The following NLGN1 variants were observed in gnomAD, a reference collection of about 807,000 sequenced individuals.
NLGN1 encodes the protein neuroligin 1.
Under a neutral mutation model 65.5 loss-of-function variants are expected in NLGN1, and 12 were observed. The observed-to-expected ratio is 0.18, with a 90% CI of 0.12 to 0.30. The LOEUF is 0.30. Among genes scored for constraint, NLGN1 ranks in the 10% least tolerant of loss-of-function variants. The probability of loss-of-function intolerance (pLI) is 1.00; values close to 1 mark genes in which losing one functional copy is unlikely to be tolerated. For synonymous variants in NLGN1, 350 were observed against 359.5 expected, an observed-to-expected ratio of 0.97 and a Z score of 0.30; for missense variants, 750 against 1,007.1, an observed-to-expected ratio of 0.74 and a Z score of 3.46.
At chr3:173,923,755 T>A (rs1742496826) in intron 4 of NLGN1, among the ~76,000 whole-genome samples, 1 of 152,124 alleles carries the variant, frequency 6.6e-6, no homozygotes, top group South Asian at 2.1e-4. Context: ...AATGGCTGAG[T>A]AAAAACTCCT....
chr3:173,597,206 G>A (rs754755727), intron 2 of NLGN1, among the ~76,000 whole-genome samples: 1 of 152,198 alleles, frequency 6.6e-6, no homozygotes, highest in Non-Finnish European at 1.5e-5. Context: ...TCACAAAGGT[G>A]CAGGATATGT....
intron 2 of NLGN1, among the ~76,000 whole-genome samples, chr3:173,598,422 C>T (rs1289669339): frequency 6.6e-6 from 1 of 151,486 alleles, no homozygotes. Flanking sequence ...CATTTAGTTC[C>T]CTTATCTAAT....
intron 3 of NLGN1, among the ~76,000 whole-genome samples, chr3:173,716,888 A>G (rs1769949995): frequency 6.6e-6 from 1 of 152,120 alleles, no homozygotes; most frequent in Admixed American, 6.6e-5. Context: ...AACACGTTGA[A>G]TGCACTGAAG....
intron 4 of NLGN1, among the ~76,000 whole-genome samples, chr3:174,265,622 G>A (rs899755738): frequency 1.9e-4 from 29 of 152,004 alleles, no homozygotes; most frequent in Non-Finnish European, 3.7e-4. Context: ...AGATGGAAAT[G>A]CAGAAATCAC....
chr3:174,187,139 T>G (rs1231462931), intron 4 of NLGN1, among the ~76,000 whole-genome samples: 3 of 152,018 alleles, frequency 2.0e-5, no homozygotes, highest in South Asian at 2.1e-4. Context: ...TATTTTTTAT[T>G]TATTCATTTT....
intron 4 of NLGN1, among the ~76,000 whole-genome samples, chr3:173,947,444 C>G (rs1747408354): frequency 6.6e-6 from 1 of 152,124 alleles, no homozygotes; most frequent in South Asian, 2.1e-4. Flanking sequence ...TATATTTTAA[C>G]TCTTTTACTG....
At chr3:174,094,688 T>C (rs1321673835) in intron 4 of NLGN1, among the ~76,000 whole-genome samples, 1 of 150,528 alleles carries the variant, frequency 6.6e-6, no homozygotes, top group Non-Finnish European at 1.5e-5. Flanking sequence ...TGATAAATAT[T>C]CTTCTGTGTT....
chr3:173,862,065 G>A (rs1729216171), intron 4 of NLGN1, among the ~76,000 whole-genome samples: 4 of 150,792 alleles, frequency 2.7e-5, no homozygotes, highest in South Asian at 2.1e-4. Flanking sequence ...CACCACACCC[G>A]GCCAATTTTT....
intron 3 of NLGN1, among the ~76,000 whole-genome samples, chr3:173,780,675 A>G (rs1780986843): frequency 6.6e-6 from 1 of 152,208 alleles, no homozygotes; most frequent in Non-Finnish European, 1.5e-5. Flanking sequence ...AAAAGTCAGT[A>G]GAGATGTGTG....
At chr3:173,807,883 T>C (rs773936697) in intron 4 of NLGN1, 51 bp downstream of exon 4, 2 of 1,567,426 alleles carry the variant, frequency 1.3e-6, no homozygotes, top group Admixed American at 3.3e-5. Flanking sequence ...AAGTATGTGA[T>C]GGTTTTGTTT....
rs985853989 is a variant in NLGN1 at position 174,279,504 on chromosome 3, T to C, written c.1503T>C (p.Ala501=). Residue 501 remains alanine, a synonymous_variant, in exon 6 of 7, where the codon GCT becomes GCC. Transcript: ENST00000457714. The surrounding 1 kb of genome is among the most constrained non-coding windows in gnomAD (Gnocchi z 4.7). ...AAACAGATCAGGTTCCAGCTTGGGC[T>C]GATGCAGCCCACGGAGACGAGGTTC... 2 of 1,613,058 alleles carry C rather than the reference T, an allele frequency of 1.2e-6. No individual in the cohort carries two copies. Among genetic ancestry groups the C allele is most frequent in the African/African-American group, 1.3e-5 (1 of 74,838 alleles).
chr3:174,009,641 A>G (rs1365763430), intron 4 of NLGN1, among the ~76,000 whole-genome samples: 1 of 152,188 alleles, frequency 6.6e-6, no homozygotes, highest in Non-Finnish European at 1.5e-5. Flanking sequence ...TATTCCCTCA[A>G]GAACCTTATT....
intron 3 of NLGN1, among the ~76,000 whole-genome samples, chr3:173,655,620 C>A (rs1027520321): frequency 6.6e-6 from 1 of 151,800 alleles, no homozygotes; most frequent in Non-Finnish European, 1.5e-5. Flanking sequence ...TCTTTCTTCA[C>A]GTTGAAATTA....
chr3:173,605,026 C>T, exon 3 of NLGN1: 1 of 1,613,214 alleles, frequency 6.2e-7, no homozygotes, highest in Non-Finnish European at 8.5e-7. Context: ...GATGTGGTTT[C>T]ATCATATGTG....
At chr3:173,838,212 GAA>G (rs755284560) in intron 4 of NLGN1, among the ~76,000 whole-genome samples, 107 of 59,594 alleles carry the variant, frequency 1.8e-3, no homozygotes, top group Admixed American at 2.9e-3. Context: ...ACTGACCAGG[GAA>G]AATTAAAAAA....
intron 2 of NLGN1, among the ~76,000 whole-genome samples, chr3:173,463,600 T>C (rs914592391): frequency 6.6e-6 from 1 of 152,224 alleles, no homozygotes; most frequent in Non-Finnish European, 1.5e-5. Context: ...TCCAAGAAGA[T>C]GTCTTGGCTA....
rs75533945 is a variant in NLGN1, at chr3:173,698,391, T to C, written c.493+93300T>C. ...TTTCAAATACCCATTCTTTCACTGA[T>C]GAGAGATAACAGACCACCTAAACCA... is the stretch of plus-strand genomic sequence containing the variant. On this transcript the variant is annotated intron_variant, in intron 3 of 6. Transcript: ENST00000457714. Among the ~76,000 whole-genome samples, 1,444 of 152,288 alleles carry C rather than the reference T, an allele frequency of 9.5e-3. 19 individuals carry two copies. Among genetic ancestry groups the C allele is most frequent in the African/African-American group, 0.033 (1,358 of 41,536 alleles).
At chr3:173,734,301 A>G (rs1482981464) in intron 3 of NLGN1, among the ~76,000 whole-genome samples, 2 of 148,458 alleles carry the variant, frequency 1.3e-5, no homozygotes, top group African/African-American at 2.5e-5. Flanking sequence ...TAAACACTGT[A>G]TATTCCTAAA....
chr3:174,159,149 C>T (rs1249759250), intron 4 of NLGN1, among the ~76,000 whole-genome samples: 2 of 151,800 alleles, frequency 1.3e-5, no homozygotes, highest in African/African-American at 4.8e-5. Context: ...CATTCACCAG[C>T]TCCCTAGGAA....
Sources: gnomAD v4.1 joint callset for allele counts (sites outside exome capture counted in the v4.1 genomes callset) on GRCh38, gnomAD v4.1.1 for gene constraint, Gnocchi (gnomAD v3.1) non-coding constraint, MANE v1.5 for transcripts, NCBI Gene and HGNC (gene_info 2026-07-23, HGNC 2026-07-21) for gene names.